The following ZNF721 variants were observed in gnomAD, a reference collection of about 807,000 sequenced individuals.
ZNF721 encodes the protein zinc finger protein 721.
ZNF721 carries 2 observed loss-of-function variants against 2.4 expected under a neutral mutation model. The ratio of observed to expected loss-of-function variants is 0.82; its 90% CI spans 0.34 to 2.58. The LOEUF is 2.58. ZNF721 is among the 30% of genes most tolerant of loss of function. ZNF721 has a pLI of 0.11. For synonymous variants in ZNF721, 398 were observed against 381.8 expected, an observed-to-expected ratio of 1.04 and a Z score of -0.50; for missense variants, 1,187 against 1,085.5, an observed-to-expected ratio of 1.09 and a Z score of -1.31.
chr4:481,496 C>A (rs887866408), intron 1 of ZNF721, among the ~76,000 whole-genome samples: 6 of 151,980 alleles, frequency 3.9e-5, no homozygotes, highest in African/African-American at 1.2e-4. Flanking sequence ...TCTTTGAAGA[C>A]CTTGGTCCAT....
chr4:473,651 G>C (rs1715534259), intron 1 of ZNF721, among the ~76,000 whole-genome samples: 1 of 152,212 alleles, frequency 6.6e-6, no homozygotes, highest in South Asian at 2.1e-4. Flanking sequence ...CCGTAAAGTA[G>C]GGACAGGACC....
At chr4:455,286 G>T (rs1714811068) in intron 2 of ZNF721, among the ~76,000 whole-genome samples, 1 of 152,164 alleles carries the variant, frequency 6.6e-6, no homozygotes, top group Admixed American at 6.6e-5. Context: ...AAAAGCCTGA[G>T]GCCAGTTGTC....
rs368624125 is a variant in ZNF721, at chr4:484,053, G to A, written c.-93-11352C>T. Among the ~76,000 whole-genome samples, 6 of 152,260 alleles carry A rather than the reference G, an allele frequency of 3.9e-5. No individual in the cohort carries two copies. The South Asian group carries it at 1.2e-3, about 32-fold the overall frequency. On this transcript the variant is annotated intron_variant, in intron 1 of 2. Transcript: ENST00000511833. ...TGGGAAGTCAGGGGCCCCAAATGGA[G>A]GGACCAGCTGAAGCCATGGCAGAAG...
chr4:489,464 G>A (rs782686265), intron 1 of ZNF721, among the ~76,000 whole-genome samples: 2 of 152,176 alleles, frequency 1.3e-5, no homozygotes, highest in African/African-American at 2.4e-5. Flanking sequence ...CCCAGACCTG[G>A]CTGAACTGAG....
intron 1 of ZNF721, among the ~76,000 whole-genome samples, chr4:482,728 C>G (rs1715800999): frequency 6.6e-6 from 1 of 151,930 alleles, no homozygotes; most frequent in Non-Finnish European, 1.5e-5. Flanking sequence ...ATCTCTTGAC[C>G]TCGGGATCTA....
intron 1 of ZNF721, among the ~76,000 whole-genome samples, chr4:484,435 A>T (rs4110694): frequency 6.6e-6 from 1 of 152,252 alleles, no homozygotes. Context: ...AACTCTGACC[A>T]CCGGTGAGCC....
intron 2 of ZNF721, among the ~76,000 whole-genome samples, chr4:468,199 G>A (rs1049528164): frequency 1.3e-5 from 2 of 151,968 alleles, no homozygotes; most frequent in East Asian, 1.9e-4. Flanking sequence ...CCCAGCAGGC[G>A]GAGCTTGCAG....
chr4:472,505 G>C (rs1715466789), intron 2 of ZNF721, 70 bp downstream of exon 2: 2 of 1,520,020 alleles, frequency 1.3e-6, no homozygotes, highest in Non-Finnish European at 1.8e-6. Flanking sequence ...TATCTCAAAA[G>C]ACATTCTACA....
At chr4:480,513 C>A (rs1553869254) in intron 1 of ZNF721, among the ~76,000 whole-genome samples, 3 of 152,150 alleles carry the variant, frequency 2.0e-5, no homozygotes, top group African/African-American at 7.2e-5. Flanking sequence ...TCACATCTTA[C>A]AAAGCTGAAA....
chr4:463,322 T>C (rs1715128301), intron 2 of ZNF721, among the ~76,000 whole-genome samples: 1 of 152,200 alleles, frequency 6.6e-6, no homozygotes, highest in Non-Finnish European at 1.5e-5. Context: ...TGTAAGTTAG[T>C]TCAATCATTG....
chr4:488,202 G>A (rs1553870903), intron 1 of ZNF721, among the ~76,000 whole-genome samples: 1 of 152,082 alleles, frequency 6.6e-6, no homozygotes, highest in East Asian at 1.9e-4. Flanking sequence ...CTTCCTTCCC[G>A]TTTTTCATTC....
intron 2 of ZNF721, among the ~76,000 whole-genome samples, chr4:472,340 G>A (rs560347181): frequency 2.6e-5 from 4 of 152,288 alleles, no homozygotes; most frequent in South Asian, 2.1e-4. Context: ...GATTACAGGC[G>A]TGAGCCACTG....
intron 2 of ZNF721, among the ~76,000 whole-genome samples, chr4:448,445 A>ACC (rs1553864445): frequency 5.3e-5 from 8 of 150,374 alleles, no homozygotes; most frequent in South Asian, 2.1e-4. Context: ...CCCCCCCCAA[A>ACC]AAAAAAAAAA....
At chr4:489,646 G>A (rs1438279617) in intron 1 of ZNF721, among the ~76,000 whole-genome samples, 4 of 152,166 alleles carry the variant, frequency 2.6e-5, no homozygotes, top group Non-Finnish European at 5.9e-5. Flanking sequence ...ACGTGTTCAG[G>A]CCCTCACTTT....
Position 487,634 on chromosome 4 carries a change from T to C in ZNF721, c.-94+11422A>G, listed in dbSNP as rs142050314. On this transcript the variant is annotated intron_variant, in intron 1 of 2. Coordinates refer to ENST00000511833, the MANE Select transcript of ZNF721 (RefSeq NM_133474.4). ...TTGATTACAAATGACCTGCAAATGC[T>C]TGGCACCCTGTAAGTATTGATTTTC... 4.5e-3 allele frequency among the ~76,000 whole-genome samples: 684 copies of C among 152,330 alleles called. 8 individuals are homozygous for C. The highest frequency in any genetic ancestry group is 0.016 in the African/African-American group (648 of 41,584).
intron 1 of ZNF721, among the ~76,000 whole-genome samples, chr4:494,478 A>G (rs1716100800): frequency 6.6e-6 from 1 of 152,064 alleles, no homozygotes; most frequent in African/African-American, 2.4e-5. Flanking sequence ...GAACCACCGC[A>G]CCTGGCTGGA....
intron 1 of ZNF721, among the ~76,000 whole-genome samples, chr4:475,761 C>T (rs1553868536): frequency 6.6e-6 from 1 of 152,058 alleles, no homozygotes; most frequent in Non-Finnish European, 1.5e-5. Context: ...GCTTCAACTA[C>T]CACCGAGACC....
At chr4:490,814 C>T (rs1358848468) in intron 1 of ZNF721, among the ~76,000 whole-genome samples, 4 of 151,866 alleles carry the variant, frequency 2.6e-5, no homozygotes, top group Admixed American at 6.6e-5. Flanking sequence ...GCAGGCTGGG[C>T]GCGGTGGCTC....
intron 1 of ZNF721, among the ~76,000 whole-genome samples, chr4:488,122 G>A (rs1715940627): frequency 6.6e-6 from 1 of 152,148 alleles, no homozygotes; most frequent in African/African-American, 2.4e-5. Flanking sequence ...CAGGTCCTTG[G>A]GCTGCTTGCT....
Sources: gnomAD v4.1 joint callset for allele counts (sites outside exome capture counted in the v4.1 genomes callset) on GRCh38, gnomAD v4.1.1 for gene constraint, MANE v1.5 for transcripts, NCBI Gene and HGNC (gene_info 2026-07-23, HGNC 2026-07-21) for gene names.